GLS: variants seen among roughly 807,000 people sequenced by gnomAD.
The protein encoded by GLS is glutaminase.
GLS carries 36 observed loss-of-function variants against 86.7 expected under a neutral mutation model. That is an observed-to-expected ratio of 0.42 (90% confidence interval 0.32 to 0.55). The LOEUF (loss-of-function observed/expected upper bound fraction) is 0.55, where lower values mean the gene tolerates loss of function less well. Ranked by LOEUF, GLS falls within the 20% of genes least tolerant of loss-of-function variation. GLS has a pLI of 0.17. For synonymous variants in GLS, 317 were observed against 305.9 expected (o/e 1.04, Z -0.38); for missense variants, 528 against 833.4 (o/e 0.63, Z 4.51).
At chr2:190,946,731 T>A (rs1394702816) in intron 14 of GLS, among the ~76,000 whole-genome samples, 9 of 152,186 alleles carry the variant, frequency 5.9e-5, no homozygotes, top group African/African-American at 2.2e-4. Flanking sequence ...TTTGGTCCCA[T>A]CTAGGCTTCC....
At chr2:190,960,170 G>T (rs949267864) in intron 17 of GLS, among the ~76,000 whole-genome samples, 1 of 152,088 alleles carries the variant, frequency 6.6e-6, no homozygotes, top group East Asian at 1.9e-4. Flanking sequence ...TGGACATTAT[G>T]TACTGGAGTA....
At position 190,963,555 on chromosome 2, in the gene GLS, G is replaced by A. The variant is rs1266163317; in HGVS notation, c.*569G>A. On this transcript the variant is annotated 3_prime_UTR_variant, in exon 18 of 18. Coordinates refer to ENST00000320717, the MANE Select transcript of GLS (RefSeq NM_014905.5). ...TAGTAAGATAGACCAATTCTGATTA[G>A]ACTTTATCAGGGAATCTGTTTAAGA... The A allele has an allele frequency of 1.3e-5, 2 of 152,656 alleles. No homozygotes were observed. Among genetic ancestry groups the A allele is most frequent in the Non-Finnish European group, 2.9e-5 (2 of 68,052 alleles). 9.5% of individuals were successfully genotyped at this position (152,656 alleles called of 1,614,324 possible). A position where few individuals can be genotyped will look rare whatever the true frequency, so the allele number is the denominator to read the frequency against.
In GLS at chr2:190,963,090, T is replaced by C; in HGVS notation, c.*104T>C. ...CTGGTAGTGATGTATATTTTACATT[T>C]GTCATTTCAGTGTTACTGGAGTTTT... On this transcript the variant is annotated 3_prime_UTR_variant, in exon 18 of 18. Coordinates refer to ENST00000320717, the MANE Select transcript of GLS (RefSeq NM_014905.5). The C allele has an allele frequency of 1.2e-6, 1 of 825,716 alleles. No homozygotes were observed. Among genetic ancestry groups the C allele is most frequent in the South Asian group, 2.0e-5 (1 of 49,772 alleles). The allele number at this position is 825,716 out of a possible 1,614,324, so 51.1% of individuals were successfully genotyped here.
rs546741311 is a variant in GLS, at chr2:190,914,900, A to AT, written c.1038+4585dup. Among the ~76,000 whole-genome samples the AT allele has an allele frequency of 4.5e-4, 68 of 152,300 alleles. 1 individual carries two copies. The East Asian group carries it at 0.012, about 26-fold the overall frequency. On this transcript the variant is annotated intron_variant, in intron 7 of 17. Transcript: ENST00000320717. This position sits in a 1 kb window ranked among gnomAD's most constrained non-coding sequence, Gnocchi z 4.4. ...AAAACATTGCAATATAGTTACATTA[A>AT]TTTTTTAATAGATAATGTTAAAACT...
At position 190,945,807 on chromosome 2, in the gene GLS, T is replaced by G. The variant is rs540399921; in HGVS notation, c.1651-7758T>G. On this transcript the variant is annotated intron_variant, in intron 14 of 17. Transcript: ENST00000320717. ...AGTGAAATTTCTGTAAAACAGAGCT[T>G]CTTTCCTTTATAGTAAAATTTGCTA... Among the ~76,000 whole-genome samples, 7 of 152,320 alleles carry G rather than the reference T, an allele frequency of 4.6e-5. No individual in the cohort carries two copies. The East Asian group carries it at 5.8e-4, about 13-fold the overall frequency.
Position 190,897,759 on chromosome 2 carries a change from A to G in GLS, c.605+2034A>G, listed in dbSNP as rs2124831075. ...ATGCAGCTAGGGAGGAGATGTTAAAACATGGGATTCATTTTTCCCCAGAGA... is the reference window on the plus strand; with the variant it reads ...ATGCAGCTAGGGAGGAGATGTTAAAGCATGGGATTCATTTTTCCCCAGAGA... On this transcript the variant is annotated intron_variant, in intron 3 of 17. Transcript: ENST00000320717. The surrounding 1 kb of genome is among the most constrained non-coding windows in gnomAD (Gnocchi z 4.3). Among the ~76,000 whole-genome samples, 1 of 152,336 alleles carries G rather than the reference A, an allele frequency of 6.6e-6. No homozygotes were observed. Among genetic ancestry groups the G allele is most frequent in the South Asian group, 2.1e-4 (1 of 4,826 alleles).
At position 190,935,236 on chromosome 2, in the gene GLS, T is replaced by C; in HGVS notation, c.1650+3599T>C. On this transcript the variant is annotated intron_variant, in intron 14 of 17. Transcript: ENST00000320717. This position sits in a 1 kb window ranked among gnomAD's most constrained non-coding sequence, Gnocchi z 4.2. ...CTTTGTATATTTAATAATGTACCTT[T>C]ATTTTCCAGTATGCCTACATTTTGT... 2.7e-6 allele frequency: 2 copies of C among 753,794 alleles called. No homozygotes were observed. The highest frequency in any genetic ancestry group is 1.6e-6 in the Non-Finnish European group (1 of 618,778). The allele number at this position is 753,794 out of a possible 1,614,324, so 46.7% of individuals were successfully genotyped here. A position where few individuals can be genotyped will look rare whatever the true frequency, so the allele number is the denominator to read the frequency against.
chr2:190,895,684 A>G lies in GLS; in HGVS notation c.564A>G (p.Thr188=). Reference sequence around the variant, plus strand: ...ATATGTTAAGATTAACTCTTCAAACAACATCAGATGGTGTCATGCTAGACA... The same window carrying G: ...ATATGTTAAGATTAACTCTTCAAACGACATCAGATGGTGTCATGCTAGACA... The part of the protein sequence containing the change: ...CMDMLRLTLQ[T]TSDGVMLDKD... The change falls in exon 3 of 18, where the codon ACA becomes ACG. Residue 188 remains threonine (T), a synonymous_variant. Transcript: ENST00000320717. This position sits in a 1 kb window ranked among gnomAD's most constrained non-coding sequence, Gnocchi z 4.2. 1 of 1,605,806 alleles carries G rather than the reference A, an allele frequency of 6.2e-7. No individual in the cohort carries two copies. The highest frequency in any genetic ancestry group is 8.5e-7 in the Non-Finnish European group (1 of 1,173,432).
At chr2:190,958,024 A>T (rs1690903454) in intron 17 of GLS, among the ~76,000 whole-genome samples, 1 of 152,148 alleles carries the variant, frequency 6.6e-6, no homozygotes, top group Non-Finnish European at 1.5e-5. Flanking sequence ...TTGGCTGTGA[A>T]TCCGTCTGGT....
Position 190,953,045 on chromosome 2 carries a change from GCTGT to G in GLS, c.1651-517_1651-514del, listed in dbSNP as rs1293342042. Among the ~76,000 whole-genome samples the G allele has an allele frequency of 6.6e-6, 1 of 152,198 alleles. No individual in the cohort carries two copies. Among genetic ancestry groups the G allele is most frequent in the Non-Finnish European group, 1.5e-5 (1 of 68,036 alleles). On this transcript the variant is annotated intron_variant, in intron 14 of 17. Coordinates refer to ENST00000320717, the MANE Select transcript of GLS (RefSeq NM_014905.5). This position sits in a 1 kb window ranked among gnomAD's most constrained non-coding sequence, Gnocchi z 4.0. ...GTACCACCTGGGCATTGAACTGAAG[GCTGT>G]CTTTCCAGTGAAGTAAAGTTTAAGA...
At chr2:190,959,989 A>G (rs1032547797) in intron 17 of GLS, among the ~76,000 whole-genome samples, 1 of 152,180 alleles carries the variant, frequency 6.6e-6, no homozygotes. Context: ...CATTCTATCT[A>G]TAGTGGGAAA....
At chr2:190,894,026 T>C (rs527238312) in intron 1 of GLS, among the ~76,000 whole-genome samples, 1 of 152,234 alleles carries the variant, frequency 6.6e-6, no homozygotes, top group African/African-American at 2.4e-5. Flanking sequence ...TTTAAAAGTT[T>C]GGTTAATCAT....
In GLS at chr2:190,924,456, G is replaced by T; in HGVS notation, c.1198-87G>T. The T allele has an allele frequency of 2.7e-6, 2 of 747,470 alleles. No homozygotes were observed. The highest frequency in any genetic ancestry group is 1.7e-5 in the African/African-American group (1 of 57,784). 46.3% of individuals were successfully genotyped at this position (747,470 alleles called of 1,614,324 possible). On this transcript the variant is annotated intron_variant, in intron 10 of 17. Coordinates refer to ENST00000320717, the MANE Select transcript of GLS (RefSeq NM_014905.5). The surrounding 1 kb of genome is among the most constrained non-coding windows in gnomAD (Gnocchi z 5.2). ...TTTTATTAATTAAAATGAAACACTT[G>T]TGTACATTTGAAATTTTTCATATAT...
chr2:190,880,998 C>T lies in GLS; in HGVS notation c.-87C>T. 3 of 1,413,794 alleles carry T rather than the reference C, an allele frequency of 2.1e-6. No individual in the cohort carries two copies. Among genetic ancestry groups the T allele is most frequent in the Non-Finnish European group, 2.9e-6 (3 of 1,045,230 alleles). The allele number at this position is 1,413,794 out of a possible 1,614,324, so 87.6% of individuals were successfully genotyped here. A position where few individuals can be genotyped will look rare whatever the true frequency, so the allele number is the denominator to read the frequency against. On this transcript the variant is annotated 5_prime_UTR_variant, in exon 1 of 18. Transcript: ENST00000320717. ...TTCCTCTTCTGTCATCTCACCGCCC[C>T]ACCACAGACCGCGTTCCCCGAGGAA...
chr2:190,907,692 CT>C (rs1353116442), intron 6 of GLS, among the ~76,000 whole-genome samples: 1 of 152,158 alleles, frequency 6.6e-6, no homozygotes, highest in East Asian at 1.9e-4. Context: ...CCAGGGAAGT[CT>C]TTTTCTACCT....
intron 1 of GLS, among the ~76,000 whole-genome samples, chr2:190,893,649 G>A (rs1037880240): frequency 6.6e-6 from 1 of 152,098 alleles, no homozygotes; most frequent in Admixed American, 6.5e-5. Context: ...GTGGTGGCAC[G>A]ATCTTGGCTC....
chr2:190,891,669 C>T (rs1559316142), intron 1 of GLS, among the ~76,000 whole-genome samples: 1 of 152,000 alleles, frequency 6.6e-6, no homozygotes, highest in East Asian at 1.9e-4. Context: ...GACAGTTCCT[C>T]TTTTCATGTT....
rs1435750992 is a variant in GLS, at chr2:190,924,120, T to C, written c.1197+137T>C. 3.3e-6 allele frequency: 2 copies of C among 598,788 alleles called. No individual in the cohort carries two copies. The highest frequency in any genetic ancestry group is 5.9e-6 in the Non-Finnish European group (2 of 337,186). The allele number at this position is 598,788 out of a possible 1,614,324, so 37.1% of individuals were successfully genotyped here. ...AGGTGCAGAAGTTTTTGCAGAGTGCTCGTGAGTCAGTGTTATCAAATTGTT... is the reference window on the plus strand; with the variant it reads ...AGGTGCAGAAGTTTTTGCAGAGTGCCCGTGAGTCAGTGTTATCAAATTGTT... On this transcript the variant is annotated intron_variant, in intron 10 of 17. Coordinates refer to ENST00000320717, the MANE Select transcript of GLS (RefSeq NM_014905.5). The surrounding 1 kb of genome is among the most constrained non-coding windows in gnomAD (Gnocchi z 5.2).
chr2:190,921,985 T>TG lies in GLS; in HGVS notation c.1130+783dup, dbSNP rs1689752518. Among the ~76,000 whole-genome samples the TG allele has an allele frequency of 6.6e-6, 1 of 152,142 alleles. No individual in the cohort carries two copies. Among genetic ancestry groups the TG allele is most frequent in the Non-Finnish European group, 1.5e-5 (1 of 67,964 alleles). On this transcript the variant is annotated intron_variant, in intron 9 of 17. Coordinates refer to ENST00000320717, the MANE Select transcript of GLS (RefSeq NM_014905.5). The surrounding 1 kb of genome is among the most constrained non-coding windows in gnomAD (Gnocchi z 4.2). ...TTACTTAGAACAGTCCCCGTGCCCT[T>TG]GCTTTCACAAATTTTATTAAATGGC...
Sources: allele counts gnomAD v4.1 joint callset (sites outside exome capture counted in the v4.1 genomes callset), GRCh38; gene constraint gnomAD v4.1.1; non-coding constraint Gnocchi (gnomAD v3.1); transcripts MANE v1.5; gene names NCBI Gene and HGNC (gene_info 2026-07-23, HGNC 2026-07-21).